The following ATOSA variants were observed in gnomAD, a reference collection of about 807,000 sequenced individuals.
The protein encoded by ATOSA is atos homolog protein A.
the ATOSA span, among the ~76,000 whole-genome samples, chr15:52,681,811 A>G: frequency 1.5e-4 from 23 of 152,308 alleles, no homozygotes; most frequent in African/African-American, 3.8e-4. Flanking sequence ...TTTTGTTGAA[A>G]TGGGTGGTGT....
the ATOSA span, chr15:52,613,832 A>G: frequency 3.5e-5 from 57 of 1,613,752 alleles, no homozygotes; most frequent in African/African-American, 5.9e-4. Flanking sequence ...CCTCTGCATC[A>G]TATTCAAAAT....
the ATOSA span, among the ~76,000 whole-genome samples, chr15:52,631,457 G>A: frequency 3.3e-5 from 5 of 152,078 alleles, no homozygotes. Context: ...TTAAGGTGAA[G>A]AATTATGGTA....
At chr15:52,675,470 T>G in the ATOSA span, among the ~76,000 whole-genome samples, 1 of 152,240 alleles carries the variant, frequency 6.6e-6, no homozygotes, top group Non-Finnish European at 1.5e-5. Flanking sequence ...AAGAGGCTAT[T>G]GTATTTATTT....
the ATOSA span, among the ~76,000 whole-genome samples, chr15:52,633,935 C>T: frequency 7.9e-5 from 12 of 151,796 alleles, no homozygotes; most frequent in Admixed American, 7.2e-4. Flanking sequence ...AGCATAAAGG[C>T]CCAAAGAAGG....
the ATOSA span, among the ~76,000 whole-genome samples, chr15:52,700,961 T>C: frequency 9.8e-5 from 15 of 152,330 alleles, no homozygotes; most frequent in Admixed American, 2.6e-4. Flanking sequence ...ACTAACAAGC[T>C]GTTTTTTCTG....
the ATOSA span, among the ~76,000 whole-genome samples, chr15:52,645,371 G>A: frequency 3.3e-5 from 5 of 152,266 alleles, no homozygotes; most frequent in South Asian, 2.1e-4. Context: ...CCTGGGAGGC[G>A]GAGGCTGAAG....
At chr15:52,686,150 T>C in the ATOSA span, among the ~76,000 whole-genome samples, 1 of 152,240 alleles carries the variant, frequency 6.6e-6, no homozygotes, top group African/African-American at 2.4e-5. Context: ...GACTTCACTC[T>C]AAGCAGCTTC....
chr15:52,611,534 G>A, the ATOSA span: 1 of 1,586,280 alleles, frequency 6.3e-7, no homozygotes. Flanking sequence ...TGGAAAACTT[G>A]ATTTACCAAG....
the ATOSA span, among the ~76,000 whole-genome samples, chr15:52,643,256 T>A: frequency 6.6e-6 from 1 of 152,128 alleles, no homozygotes; most frequent in African/African-American, 2.4e-5. Context: ...TAACGGTGGT[T>A]CCCAAAAATT....
the ATOSA span, among the ~76,000 whole-genome samples, chr15:52,653,619 C>T: frequency 5.3e-5 from 8 of 152,128 alleles, no homozygotes; most frequent in East Asian, 3.8e-4. Context: ...TTACTAACAG[C>T]GAGACCACAT....
the ATOSA span, among the ~76,000 whole-genome samples, chr15:52,588,810 A>G: frequency 5.3e-5 from 8 of 152,128 alleles, no homozygotes; most frequent in African/African-American, 1.9e-4. Context: ...AACTGGGCTA[A>G]TACTTTTCTT....
the ATOSA span, among the ~76,000 whole-genome samples, chr15:52,619,118 A>C: frequency 6.6e-6 from 1 of 152,244 alleles, no homozygotes; most frequent in Non-Finnish European, 1.5e-5. Context: ...AACACATAAA[A>C]TATTACCTAA....
the ATOSA span, chr15:52,582,091 T>C: frequency 7.4e-7 from 1 of 1,349,168 alleles, no homozygotes; most frequent in Non-Finnish European, 9.9e-7. Flanking sequence ...TACACTCCAT[T>C]CTATGCTAAT....
the ATOSA span, among the ~76,000 whole-genome samples, chr15:52,669,196 C>T: frequency 6.6e-6 from 1 of 152,144 alleles, no homozygotes; most frequent in Non-Finnish European, 1.5e-5. Flanking sequence ...GCTGGGATTA[C>T]AGGCGTGAGC....
At chr15:52,698,064 C>T in the ATOSA span, among the ~76,000 whole-genome samples, 154 of 146,780 alleles carry the variant, frequency 1.0e-3, no homozygotes, top group African/African-American at 3.7e-3. Context: ...GCAACCTCCA[C>T]CTCCCGGATT....
At chr15:52,648,339 T>C in the ATOSA span, among the ~76,000 whole-genome samples, 1 of 152,112 alleles carries the variant, frequency 6.6e-6, no homozygotes, top group Admixed American at 6.6e-5. Context: ...TTTTTATTTA[T>C]TGATATACCA....
chr15:52,690,936 T>G, the ATOSA span, among the ~76,000 whole-genome samples: 3 of 152,220 alleles, frequency 2.0e-5, no homozygotes, highest in African/African-American at 7.2e-5. Context: ...GAATTGACAT[T>G]GATGCATTCT....
the ATOSA span, among the ~76,000 whole-genome samples, chr15:52,595,245 T>G: frequency 1.3e-5 from 2 of 152,342 alleles, no homozygotes; most frequent in South Asian, 4.1e-4. Flanking sequence ...AATTATTTAC[T>G]CACCTGGGTA....
the ATOSA span, chr15:52,609,389 T>C: frequency 7.7e-4 from 1,237 of 1,613,948 alleles, 2 homozygotes; most frequent in Non-Finnish European, 6.5e-4. Context: ...TCATGCATGT[T>C]GAATGACTGC....
Sources: gnomAD v4.1 joint callset for allele counts (sites outside exome capture counted in the v4.1 genomes callset) on GRCh38, gnomAD v4.1.1 for gene constraint, MANE v1.5 for transcripts, NCBI Gene and HGNC (gene_info 2026-07-23, HGNC 2026-07-21) for gene names.